Variants in DOCK3 observed in about 807,000 individuals in gnomAD.
DOCK3 encodes dedicator of cytokinesis protein 3.
Under a neutral mutation model 265.6 loss-of-function variants are expected in DOCK3, and 60 were observed. That is an observed-to-expected ratio of 0.23 (90% CI 0.18 to 0.28). The LOEUF (loss-of-function observed/expected upper bound fraction) is 0.28, where lower values mean the gene tolerates loss of function less well. Among genes scored for constraint, DOCK3 ranks in the 10% least tolerant of loss-of-function variants. The pLI is 1.00. For missense variants in DOCK3, 1,981 were observed against 2,594.3 expected, an observed-to-expected ratio of 0.76 and a Z score of 5.14; for synonymous variants, 881 against 938.0, an observed-to-expected ratio of 0.94 and a Z score of 1.11.
At chr3:50,966,192 A>C (rs2077027169) in intron 5 of DOCK3, among the ~76,000 whole-genome samples, 1 of 152,134 alleles carries the variant, frequency 6.6e-6, no homozygotes, top group African/African-American at 2.4e-5. Context: ...TATTGTATAT[A>C]TTCCACATAT....
intron 1 of DOCK3, among the ~76,000 whole-genome samples, chr3:50,710,455 A>G (rs755928993): frequency 1.3e-5 from 2 of 152,220 alleles, no homozygotes; most frequent in Non-Finnish European, 2.9e-5. Flanking sequence ...CAAAACTACA[A>G]TGAGATACCA....
At chr3:51,170,181 G>A (rs1273469852) in intron 12 of DOCK3, among the ~76,000 whole-genome samples, 1 of 152,072 alleles carries the variant, frequency 6.6e-6, no homozygotes, top group African/African-American at 2.4e-5. Context: ...AACAATTCTA[G>A]TCCCAAGCAT....
At chr3:50,885,870 C>A (rs1346461597) in intron 3 of DOCK3, among the ~76,000 whole-genome samples, 1 of 151,930 alleles carries the variant, frequency 6.6e-6, no homozygotes. Context: ...GGGATTAGGT[C>A]ACAGTTTTTT....
chr3:50,806,544 G>C (rs552881705), intron 2 of DOCK3, among the ~76,000 whole-genome samples: 6 of 151,284 alleles, frequency 4.0e-5, no homozygotes, highest in Non-Finnish European at 8.8e-5. Flanking sequence ...GACATGGCTG[G>C]CTCTCAAGGG....
chr3:51,167,182 C>T (rs564232925), intron 12 of DOCK3, among the ~76,000 whole-genome samples: 45 of 152,196 alleles, frequency 3.0e-4, no homozygotes, highest in Non-Finnish European at 6.0e-4. Context: ...TGTGGATGTA[C>T]AGTTTTCCCA....
chr3:51,176,459 A>AT (rs1357547513), intron 12 of DOCK3, among the ~76,000 whole-genome samples: 122 of 42,364 alleles, frequency 2.9e-3, no homozygotes, highest in African/African-American at 0.011. Context: ...CTACTAAAAA[A>AT]TAAAAAAAAA....
At chr3:51,225,541 G>A in intron 14 of DOCK3, 108 bp from the exon 15 acceptor site, 1 of 1,483,592 alleles carries the variant, frequency 6.7e-7, no homozygotes, top group Non-Finnish European at 9.0e-7. Flanking sequence ...GGAATGCCCT[G>A]AACACCCACC....
chr3:50,718,701 A>C (rs934823411), intron 1 of DOCK3, among the ~76,000 whole-genome samples: 3 of 149,630 alleles, frequency 2.0e-5, no homozygotes, highest in Non-Finnish European at 4.4e-5. Context: ...TTATGCATAT[A>C]TTAGATTCCT....
intron 1 of DOCK3, among the ~76,000 whole-genome samples, chr3:50,710,801 A>G (rs1382706576): frequency 1.3e-5 from 2 of 152,250 alleles, no homozygotes; most frequent in East Asian, 3.8e-4. Flanking sequence ...TGTGATATGG[A>G]CAGCATGGAC....
chr3:51,030,945 C>CT (rs2080022943), intron 5 of DOCK3, among the ~76,000 whole-genome samples: 1 of 152,216 alleles, frequency 6.6e-6, no homozygotes, highest in Non-Finnish European at 1.5e-5. Flanking sequence ...GGCTACCCCA[C>CT]TGAGTTTTCC....
chr3:51,247,124 T>C (rs1391575896), intron 22 of DOCK3, among the ~76,000 whole-genome samples: 1 of 152,232 alleles, frequency 6.6e-6, no homozygotes, highest in African/African-American at 2.4e-5. Flanking sequence ...TCTAAGCCAA[T>C]GTTGGTGGCA....
intron 24 of DOCK3, 105 bp downstream of exon 24, chr3:51,271,112 T>G: frequency 7.6e-7 from 1 of 1,314,938 alleles, no homozygotes; most frequent in Non-Finnish European, 1.0e-6. Context: ...CCTCAACGAT[T>G]ATGCAAGAAA....
At position 51,079,513 on chromosome 3, in the gene DOCK3, A is replaced by G. The variant is rs536346180; in HGVS notation, c.549+4073A>G. ...ACACTCAGCTAATTTTTATTTTATT[A>G]TTATTATTTTTATTTTTTCGGTAGA... On this transcript the variant is annotated intron_variant, in intron 7 of 52. Coordinates refer to ENST00000266037, the MANE Select transcript of DOCK3 (RefSeq NM_004947.5). Among the ~76,000 whole-genome samples the G allele has an allele frequency of 3.3e-5, 5 of 151,762 alleles. No individual in the cohort carries two copies. In the South Asian group the frequency reaches 1.0e-3, roughly 32 times the overall value.
chr3:51,116,472 A>AAAAAAG (rs1553763620), intron 9 of DOCK3, among the ~76,000 whole-genome samples: 16 of 145,052 alleles, frequency 1.1e-4, no homozygotes, highest in African/African-American at 4.1e-4. Flanking sequence ...AAAAAAAAAA[A>AAAAAAG]GGGTAGTTTT....
At chr3:51,176,888 T>C (rs1401132408) in intron 12 of DOCK3, among the ~76,000 whole-genome samples, 1 of 152,228 alleles carries the variant, frequency 6.6e-6, no homozygotes, top group African/African-American at 2.4e-5. Flanking sequence ...GGTTTGTCTT[T>C]TTTTCCTAGT....
intron 12 of DOCK3, among the ~76,000 whole-genome samples, chr3:51,200,515 G>C (rs917735705): frequency 6.8e-6 from 1 of 147,234 alleles, no homozygotes; most frequent in African/African-American, 2.5e-5. Context: ...AGAAATATGG[G>C]ACTATGTGAA....
chr3:50,907,531 C>A (rs1325261170), intron 4 of DOCK3, among the ~76,000 whole-genome samples: 1 of 151,896 alleles, frequency 6.6e-6, no homozygotes, highest in Non-Finnish European at 1.5e-5. Flanking sequence ...CTTTTTTGAT[C>A]TTTGTTGGTT....
chr3:50,979,500 G>T (rs914252746), intron 5 of DOCK3, among the ~76,000 whole-genome samples: 1 of 152,024 alleles, frequency 6.6e-6, no homozygotes, highest in African/African-American at 2.4e-5. Context: ...TAAAGAGTCT[G>T]GGACTTCCTC....
intron 2 of DOCK3, among the ~76,000 whole-genome samples, chr3:50,810,093 C>A (rs962945047): frequency 6.6e-6 from 1 of 152,076 alleles, no homozygotes; most frequent in Non-Finnish European, 1.5e-5. Flanking sequence ...TATGATTGTG[C>A]CACTACACTT....
Sources: gnomAD v4.1 joint callset for allele counts (sites outside exome capture counted in the v4.1 genomes callset) on GRCh38, gnomAD v4.1.1 for gene constraint, MANE v1.5 for transcripts, NCBI Gene and HGNC (gene_info 2026-07-23, HGNC 2026-07-21) for gene names.